LRP5: variants seen among roughly 807,000 people sequenced by gnomAD.
The protein encoded by LRP5 is low-density lipoprotein receptor-related protein 5.
In LRP5, 62 loss-of-function variants were observed where a neutral mutation model predicts 154.1. The ratio of observed to expected loss-of-function variants is 0.40; its 90% CI spans 0.33 to 0.50. LRP5 has a LOEUF of 0.50. Ranked by LOEUF, LRP5 falls within the 20% of genes least tolerant of loss-of-function variation. LRP5 has a pLI of 0.55. For missense variants in LRP5, 1,915 were observed against 2,336.7 expected, an observed-to-expected ratio of 0.82 and a Z score of 3.72; for synonymous variants, 966 against 1,011.5, an observed-to-expected ratio of 0.96 and a Z score of 0.85.
chr11:68,415,286 C>T (rs1219525314), intron 12 of LRP5, among the ~76,000 whole-genome samples: 1 of 152,198 alleles, frequency 6.6e-6, no homozygotes, highest in Non-Finnish European at 1.5e-5. Context: ...CGAGGAGTGT[C>T]TTCTCTCGGG....
chr11:68,409,084 A>ATG (rs1480441300), intron 9 of LRP5, among the ~76,000 whole-genome samples: 3 of 42,898 alleles, frequency 7.0e-5, no homozygotes, highest in Non-Finnish European at 1.5e-4. Flanking sequence ...ATATATATAT[A>ATG]TATATATATA....
chr11:68,379,975 CACAA>C (rs1451727192), intron 5 of LRP5, among the ~76,000 whole-genome samples: 2 of 152,138 alleles, frequency 1.3e-5, no homozygotes, highest in Non-Finnish European at 2.9e-5. Flanking sequence ...CTACTAAAAA[CACAA>C]AAAGTTAGCC....
intron 18 of LRP5, 126 bp from the exon 19 acceptor site, chr11:68,436,763 G>A (rs1268095379): frequency 1.4e-5 from 10 of 700,080 alleles, no homozygotes; most frequent in Middle Eastern, 2.6e-4. Context: ...ACCACTCCCC[G>A]CTGGTCCTAG....
rs182315406 is a variant in LRP5, at chr11:68,315,566, T to C, written c.91+2761T>C. Among the ~76,000 whole-genome samples the C allele has an allele frequency of 1.0e-3, 153 of 152,352 alleles. 1 individual carries two copies. The highest frequency in any genetic ancestry group is 3.4e-3 in the African/African-American group (143 of 41,588). On this transcript the variant is annotated intron_variant, in intron 1 of 22. Coordinates refer to ENST00000294304, the MANE Select transcript of LRP5 (RefSeq NM_002335.4). ...AATGGGAATAGAATCCTTCCTACCA[T>C]GAATTCAGTGAGTTAACGTGCACCT...
chr11:68,366,079 G>A (rs1280978302), intron 5 of LRP5, among the ~76,000 whole-genome samples: 5 of 152,210 alleles, frequency 3.3e-5, no homozygotes, highest in African/African-American at 9.6e-5. Flanking sequence ...CGGGCCCTTC[G>A]GGAAATCACA....
chr11:68,356,238 G>C (rs1271855666), intron 2 of LRP5, among the ~76,000 whole-genome samples: 1 of 151,250 alleles, frequency 6.6e-6, no homozygotes, highest in Admixed American at 6.6e-5. Context: ...ACCTCCCAGG[G>C]CTGAAGGGAT....
intron 8 of LRP5, 63 bp downstream of exon 8, chr11:68,403,762 G>A (rs1484456260): frequency 6.3e-6 from 10 of 1,593,426 alleles, no homozygotes; most frequent in African/African-American, 2.7e-5. Context: ...AGGAAGTGAC[G>A]GGTCCATGCC....
intron 2 of LRP5, among the ~76,000 whole-genome samples, chr11:68,349,421 T>G (rs1169505717): frequency 6.6e-6 from 1 of 152,156 alleles, no homozygotes; most frequent in East Asian, 1.9e-4. Context: ...ATCTTTGCTG[T>G]GTGTATGGTG....
rs967776661 is a variant in LRP5, at chr11:68,423,302, C to G, written c.3028-187C>G. Among the ~76,000 whole-genome samples, 2 of 152,204 alleles carry G rather than the reference C, an allele frequency of 1.3e-5. No individual in the cohort carries two copies. Among genetic ancestry groups the G allele is most frequent in the African/African-American group, 4.8e-5 (2 of 41,448 alleles). ...CACACCAATACTGGGATTTGACTTTCAGGCTAAACTTGAGAAGTGTGGCCT... is the reference window on the plus strand; with the variant it reads ...CACACCAATACTGGGATTTGACTTTGAGGCTAAACTTGAGAAGTGTGGCCT... On this transcript the variant is annotated intron_variant, in intron 13 of 22. Transcript: ENST00000294304. The surrounding 1 kb of genome is among the most constrained non-coding windows in gnomAD (Gnocchi z 4.7).
chr11:68,362,691 CAAAA>C (rs773798166), intron 3 of LRP5, among the ~76,000 whole-genome samples: 1 of 84,244 alleles, frequency 1.2e-5, no homozygotes. Flanking sequence ...ACCCCATCTC[CAAAA>C]AAAAAAAAAA....
At chr11:68,388,813 C>T (rs987419244) in intron 6 of LRP5, among the ~76,000 whole-genome samples, 1 of 152,182 alleles carries the variant, frequency 6.6e-6, no homozygotes, top group African/African-American at 2.4e-5. Flanking sequence ...TGTGGTGAAA[C>T]CCGCACAGGG....
At chr11:68,437,408 A>G (rs1284931551) in intron 19 of LRP5, among the ~76,000 whole-genome samples, 4 of 152,266 alleles carry the variant, frequency 2.6e-5, no homozygotes, top group South Asian at 4.1e-4. Context: ...ACACATGTAC[A>G]TGACAACATC....
chr11:68,303,008 C>T, the LRP5 span, among the ~76,000 whole-genome samples: 1 of 152,180 alleles, frequency 6.6e-6, no homozygotes, highest in Non-Finnish European at 1.5e-5. Context: ...TCCCTCTGTT[C>T]CTCCTTGAGG....
At chr11:68,404,255 A>G (rs562666779) in intron 8 of LRP5, 9 of 522,540 alleles carry the variant, frequency 1.7e-5, no homozygotes, top group South Asian at 1.1e-4. Context: ...AGCAGCATCC[A>G]GGTGCGGCAG....
At chr11:68,397,362 C>T (rs2098650037) in intron 7 of LRP5, among the ~76,000 whole-genome samples, 1 of 152,164 alleles carries the variant, frequency 6.6e-6, no homozygotes, top group Admixed American at 6.5e-5. Context: ...GGCCCACGCT[C>T]CAGTGCCACT....
intron 7 of LRP5, among the ~76,000 whole-genome samples, chr11:68,401,225 G>T (rs2098652464): frequency 6.6e-6 from 1 of 152,120 alleles, no homozygotes; most frequent in African/African-American, 2.4e-5. Context: ...TGCATTCATG[G>T]CCTTTGCGTG....
chr11:68,335,022 C>T (rs2098604889), intron 1 of LRP5, among the ~76,000 whole-genome samples: 1 of 151,374 alleles, frequency 6.6e-6, no homozygotes, highest in Admixed American at 6.6e-5. Context: ...GGCTAGGTTC[C>T]TGTGAGCCTC....
At chr11:68,324,232 G>A (rs2098598378) in intron 1 of LRP5, among the ~76,000 whole-genome samples, 1 of 152,264 alleles carries the variant, frequency 6.6e-6, no homozygotes, top group Admixed American at 6.5e-5. Flanking sequence ...GCTGCGGGCG[G>A]AACAGCAGGC....
rs903385662 is a variant in LRP5 at position 68,413,246 on chromosome 11, CAT to C, written c.2504-442_2504-441del. The C allele has an allele frequency of 1.0e-5, 3 of 289,214 alleles. No individual in the cohort carries two copies. Among genetic ancestry groups the C allele is most frequent in the African/African-American group, 2.1e-5 (1 of 47,020 alleles). The allele number at this position is 289,214 out of a possible 1,614,324, so 17.9% of individuals were successfully genotyped here. A position where few individuals can be genotyped will look rare whatever the true frequency, so the allele number is the denominator to read the frequency against. ...AAAACCAGCAAAAGCCCTGGAAACTCATGTGACCCTGCCAATGAGGGCGGCCA... is the reference window on the plus strand; with the variant it reads ...AAAACCAGCAAAAGCCCTGGAAACTCGTGACCCTGCCAATGAGGGCGGCCA... On this transcript the variant is annotated intron_variant, in intron 11 of 22. Transcript: ENST00000294304. This position sits in a 1 kb window ranked among gnomAD's most constrained non-coding sequence, Gnocchi z 5.1.
Sources: allele counts gnomAD v4.1 joint callset (sites outside exome capture counted in the v4.1 genomes callset), GRCh38; gene constraint gnomAD v4.1.1; non-coding constraint Gnocchi (gnomAD v3.1); transcripts MANE v1.5; gene names NCBI Gene and HGNC (gene_info 2026-07-23, HGNC 2026-07-21).